MAML2: variants seen among roughly 807,000 people sequenced by gnomAD.
MAML2 encodes the protein mastermind like transcriptional coactivator 2, also known as mastermind-like protein 2.
MAML2 carries 22 observed loss-of-function variants against 96.1 expected under a neutral mutation model. The observed-to-expected ratio is 0.23, with a 90% confidence interval of 0.16 to 0.33. MAML2 has a LOEUF of 0.33. Among genes scored for constraint, MAML2 ranks in the 10% least tolerant of loss-of-function variants. The pLI, the probability that MAML2 is intolerant of heterozygous loss-of-function variation, is 1.00. For missense variants in MAML2, 1,367 were observed against 1,392.4 expected (o/e 0.98, Z 0.29); for synonymous variants, 561 against 521.3 (o/e 1.08, Z -1.04).
chr11:96,167,231 C>A (rs1591050797), intron 1 of MAML2, among the ~76,000 whole-genome samples: 1 of 152,288 alleles, frequency 6.6e-6, no homozygotes, highest in East Asian at 1.9e-4. Flanking sequence ...TGAATCCTGC[C>A]TCTCCTGCCT....
chr11:96,143,467 A>G (rs565262918), intron 1 of MAML2, among the ~76,000 whole-genome samples: 1 of 152,266 alleles, frequency 6.6e-6, no homozygotes, highest in South Asian at 2.1e-4. Context: ...TATTCAAAAC[A>G]ATGTCTAGTT....
rs550768830 is a variant in MAML2 at position 96,092,903 on chromosome 11, G to A, written c.1128C>T (p.Pro376=). ...SEYSPGLTQG[P]SGSPQLRPPS... ...GGGGCCTCAGCTGAGGAGAGCCTGA[G>A]GGGCCCTGAGTCAAGCCCGGTGAGT... The change falls in exon 2 of 5, where the codon CCC becomes CCT. Residue 376 remains proline (P), a synonymous_variant. Transcript: ENST00000524717. The surrounding 1 kb of genome is among the most constrained non-coding windows in gnomAD (Gnocchi z 4.1). The A allele has an allele frequency of 4.4e-5, 70 of 1,605,284 alleles. 2 individuals are homozygous for A. The South Asian group carries it at 6.6e-4, about 15-fold the overall frequency.
chr11:96,122,530 GCAC>G (rs1860368986), intron 1 of MAML2, among the ~76,000 whole-genome samples: 3 of 144,788 alleles, frequency 2.1e-5, no homozygotes, highest in South Asian at 2.2e-4. Context: ...GTGTGTGTGT[GCAC>G]GTGCACGTGC....
At chr11:96,297,598 A>C (rs1007717587) in intron 1 of MAML2, among the ~76,000 whole-genome samples, 1 of 152,174 alleles carries the variant, frequency 6.6e-6, no homozygotes, top group African/African-American at 2.4e-5. Context: ...AAAAACAAAA[A>C]AACAGCAAAC....
intron 1 of MAML2, among the ~76,000 whole-genome samples, chr11:96,250,079 C>A (rs1328425645): frequency 6.6e-6 from 1 of 152,124 alleles, no homozygotes; most frequent in Admixed American, 6.5e-5. Flanking sequence ...AGTTTCACGG[C>A]TCGCTCCTTT....
chr11:96,230,614 G>A (rs1393707880), intron 1 of MAML2, among the ~76,000 whole-genome samples: 3 of 152,166 alleles, frequency 2.0e-5, no homozygotes, highest in African/African-American at 7.2e-5. Flanking sequence ...TGTATGTAGG[G>A]ATGACTGCCT....
At chr11:96,271,710 G>A (rs889562351) in intron 1 of MAML2, among the ~76,000 whole-genome samples, 3 of 148,264 alleles carry the variant, frequency 2.0e-5, no homozygotes, top group Non-Finnish European at 4.5e-5. Context: ...CTGCTCAACT[G>A]TGAGTCAAAT....
intron 1 of MAML2, among the ~76,000 whole-genome samples, chr11:96,307,900 A>T (rs1015488762): frequency 3.3e-5 from 5 of 152,156 alleles, no homozygotes; most frequent in Non-Finnish European, 7.3e-5. Flanking sequence ...AACCCAAGGG[A>T]ATGAATGGCC....
rs576797571 is a variant in MAML2 at position 96,268,786 on chromosome 11, C to T, written c.513+72597G>A. 2.2e-4 allele frequency among the ~76,000 whole-genome samples: 24 copies of T among 108,342 alleles called. 1 individual carries two copies. The highest frequency in any genetic ancestry group is 8.2e-4 in the South Asian group (3 of 3,644). The allele number at this position is 108,342 out of a possible 152,430, so 71.1% of individuals were successfully genotyped here. On this transcript the variant is annotated intron_variant, in intron 1 of 4. Coordinates refer to ENST00000524717, the MANE Select transcript of MAML2 (RefSeq NM_032427.4). ...CCCCTGCACACGATCTGTTGTCTGC[C>T]GCCATGTAAGATGTGACTTTGCTCC...
chr11:96,319,980 T>A (rs533051063), intron 1 of MAML2, among the ~76,000 whole-genome samples: 5 of 152,250 alleles, frequency 3.3e-5, no homozygotes, highest in Non-Finnish European at 7.4e-5. Flanking sequence ...TACAGTGGCA[T>A]CTCATTCAAA....
At chr11:96,062,672 G>A (rs1276379910) in intron 2 of MAML2, among the ~76,000 whole-genome samples, 1 of 152,132 alleles carries the variant, frequency 6.6e-6, no homozygotes, top group Non-Finnish European at 1.5e-5. Flanking sequence ...AGGAGGCAGC[G>A]CCCCTTCCCA....
intron 1 of MAML2, among the ~76,000 whole-genome samples, chr11:96,318,535 G>A (rs1863660585): frequency 6.6e-6 from 1 of 152,154 alleles, no homozygotes; most frequent in African/African-American, 2.4e-5. Context: ...TATTGTGGCA[G>A]ATAAAGAAAA....
At chr11:96,104,068 A>T (rs951418592) in intron 1 of MAML2, among the ~76,000 whole-genome samples, 4 of 152,138 alleles carry the variant, frequency 2.6e-5, no homozygotes, top group Admixed American at 2.6e-4. Flanking sequence ...TGGCCATTCC[A>T]TCTAAAGTAC....
chr11:96,257,184 T>G (rs1862680014), intron 1 of MAML2, among the ~76,000 whole-genome samples: 3 of 152,230 alleles, frequency 2.0e-5, no homozygotes, highest in African/African-American at 7.2e-5. Context: ...TTAAGCTTTG[T>G]TTTATTGTCA....
chr11:96,062,048 AATG>A (rs1859169090), intron 2 of MAML2, among the ~76,000 whole-genome samples: 1 of 152,218 alleles, frequency 6.6e-6, no homozygotes, highest in Non-Finnish European at 1.5e-5. Context: ...TTAAAGAAAA[AATG>A]ATGATTTTAA....
intron 1 of MAML2, among the ~76,000 whole-genome samples, chr11:96,132,654 G>A (rs537089303): frequency 5.9e-5 from 9 of 152,324 alleles, no homozygotes; most frequent in South Asian, 2.1e-4. Context: ...TGGATATAGC[G>A]TGTTCTTAGC....
intron 1 of MAML2, among the ~76,000 whole-genome samples, chr11:96,237,476 G>A (rs1862380648): frequency 6.6e-6 from 1 of 152,046 alleles, no homozygotes; most frequent in African/African-American, 2.4e-5. Context: ...CTTTATAATT[G>A]TTTCACAGGA....
intron 1 of MAML2, among the ~76,000 whole-genome samples, chr11:96,179,712 C>A (rs569409122): frequency 6.6e-6 from 1 of 152,336 alleles, no homozygotes; most frequent in Admixed American, 6.5e-5. Flanking sequence ...TAGGAGGGAC[C>A]TGGGAAGCCA....
chr11:96,208,818 A>T (rs1466296627), intron 1 of MAML2, among the ~76,000 whole-genome samples: 3 of 152,206 alleles, frequency 2.0e-5, no homozygotes, highest in Non-Finnish European at 4.4e-5. Context: ...AATTAAAAAA[A>T]AATCATACAG....
Sources: gnomAD v4.1 joint callset for allele counts (sites outside exome capture counted in the v4.1 genomes callset) on GRCh38, gnomAD v4.1.1 for gene constraint, Gnocchi (gnomAD v3.1) non-coding constraint, MANE v1.5 for transcripts, NCBI Gene and HGNC (gene_info 2026-07-23, HGNC 2026-07-21) for gene names.